Variants in ATRNL1 observed in about 807,000 individuals in gnomAD.
ATRNL1 encodes attractin-like protein 1.
A neutral mutation model predicts 182.7 loss-of-function variants in ATRNL1; 95 were observed. The ratio of observed to expected loss-of-function variants is 0.52; its 90% confidence interval spans 0.44 to 0.62. The LOEUF (loss-of-function observed/expected upper bound fraction) is 0.62, where lower values mean the gene tolerates loss of function less well. Ranked by LOEUF, ATRNL1 falls within the 20% of genes least tolerant of loss-of-function variation. The pLI is 0.00. For synonymous variants in ATRNL1, 576 were observed against 568.3 expected (o/e 1.01, Z -0.19); for missense variants, 1,471 against 1,679.5 (o/e 0.88, Z 2.17).
chr10:115,315,348 A>G (rs1483443019), intron 17 of ATRNL1, among the ~76,000 whole-genome samples, 170 bp from the exon 18 acceptor site: 1 of 151,860 alleles, frequency 6.6e-6, no homozygotes, highest in Non-Finnish European at 1.5e-5. Flanking sequence ...TGTATGTTTT[A>G]TTTGCTTTTA....
intron 26 of ATRNL1, among the ~76,000 whole-genome samples, chr10:115,586,665 T>G (rs1555010019): frequency 8.3e-6 from 1 of 119,794 alleles, no homozygotes; most frequent in African/African-American, 2.7e-5. Context: ...CTAAATTTTT[T>G]TCAGAGTTTT....
At chr10:115,636,253 A>G (rs1555028092) in intron 26 of ATRNL1, among the ~76,000 whole-genome samples, 1 of 151,922 alleles carries the variant, frequency 6.6e-6, no homozygotes, top group Admixed American at 6.6e-5. Flanking sequence ...TGGTTCCGAC[A>G]CTCTTCTCCC....
chr10:115,506,780 T>G (rs1170374287), intron 24 of ATRNL1, among the ~76,000 whole-genome samples: 1 of 152,060 alleles, frequency 6.6e-6, no homozygotes, highest in African/African-American at 2.4e-5. Context: ...CCATAATGTT[T>G]GCTTATGCTG....
intron 8 of ATRNL1, among the ~76,000 whole-genome samples, chr10:115,204,149 A>G (rs567613893): frequency 9.9e-5 from 15 of 151,968 alleles, no homozygotes; most frequent in Non-Finnish European, 1.8e-4. Context: ...GTTTATTCAT[A>G]TCCTGCAAGT....
At chr10:115,617,951 C>T (rs985231120) in intron 26 of ATRNL1, among the ~76,000 whole-genome samples, 1 of 152,076 alleles carries the variant, frequency 6.6e-6, no homozygotes, top group African/African-American at 2.4e-5. Context: ...TAGATTTCCT[C>T]GTTGCTCCCA....
chr10:115,741,633 G>A (rs1274459452), intron 27 of ATRNL1, among the ~76,000 whole-genome samples: 1 of 152,126 alleles, frequency 6.6e-6, no homozygotes, highest in Non-Finnish European at 1.5e-5. Flanking sequence ...GAATAATTGA[G>A]GTAGAGAAAC....
At chr10:115,341,530 C>G (rs1855751664) in intron 19 of ATRNL1, among the ~76,000 whole-genome samples, 1 of 152,068 alleles carries the variant, frequency 6.6e-6, no homozygotes, top group South Asian at 2.1e-4. Context: ...TCCATTTGGT[C>G]TATAGTGCAG....
At chr10:115,553,654 AAAT>A (rs1381167958) in intron 26 of ATRNL1, among the ~76,000 whole-genome samples, 3 of 151,368 alleles carry the variant, frequency 2.0e-5, no homozygotes, top group Non-Finnish European at 3.0e-5. Context: ...TTTGAGTTAA[AAAT>A]AATAAACCAA....
At chr10:115,682,138 A>G (rs1235345142) in intron 26 of ATRNL1, among the ~76,000 whole-genome samples, 1 of 152,174 alleles carries the variant, frequency 6.6e-6, no homozygotes, top group African/African-American at 2.4e-5. Context: ...TTAGCAGGAT[A>G]GATAAACTGA....
chr10:115,446,664 TTA>T (rs1847012625), intron 21 of ATRNL1, among the ~76,000 whole-genome samples: 2 of 152,172 alleles, frequency 1.3e-5, no homozygotes, highest in East Asian at 3.9e-4. Context: ...GTTTTTGTTT[TTA>T]TGATTTAAAA....
At position 115,462,047 on chromosome 10, in the gene ATRNL1, T is replaced by A; in HGVS notation, c.3417+12T>A. 6.4e-7 allele frequency: 1 copy of A among 1,571,138 alleles called. No individual in the cohort carries two copies. Among genetic ancestry groups the A allele is most frequent in the South Asian group, 1.2e-5 (1 of 86,532 alleles). ...CAAACCCAGAACAGGTGAGGAAAAA[T>A]TGTTATCTTTTAAAGTATAATTATT... On this transcript the variant is annotated intron_variant, in intron 22 of 28. Coordinates refer to ENST00000355044, the MANE Select transcript of ATRNL1 (RefSeq NM_207303.4).
chr10:115,222,441 C>G (rs1179790702), intron 9 of ATRNL1, among the ~76,000 whole-genome samples: 1 of 152,078 alleles, frequency 6.6e-6, no homozygotes, highest in Non-Finnish European at 1.5e-5. Context: ...ACAAAGACAT[C>G]AAGCCACAGA....
rs550961548 is a variant in ATRNL1, at chr10:115,343,434, C to T, written c.3175+9015C>T. 4.6e-5 allele frequency among the ~76,000 whole-genome samples: 7 copies of T among 152,142 alleles called. No homozygotes were observed. The East Asian group carries it at 5.8e-4, about 13-fold the overall frequency. ...AAAGACTAATGCATTCTTCCATATG[C>T]GAATTACATCTTTCATCTACAGAAT... On this transcript the variant is annotated intron_variant, in intron 19 of 28. Coordinates refer to ENST00000355044, the MANE Select transcript of ATRNL1 (RefSeq NM_207303.4).
intron 9 of ATRNL1, among the ~76,000 whole-genome samples, chr10:115,239,509 G>A (rs909461609): frequency 2.6e-5 from 4 of 152,126 alleles, no homozygotes; most frequent in Admixed American, 2.6e-4. Context: ...TGGGATTACA[G>A]GCATGAGCAC....
At chr10:115,767,050 A>G (rs2960692) in intron 27 of ATRNL1, among the ~76,000 whole-genome samples, 30,789 of 152,088 alleles carry the variant, frequency 0.2, 3,173 homozygotes, top group Non-Finnish European at 0.21. Context: ...AGGGTTTATG[A>G]TAATTATTAT....
At chr10:115,537,890 C>G (rs538010704) in intron 25 of ATRNL1, among the ~76,000 whole-genome samples, 1 of 152,128 alleles carries the variant, frequency 6.6e-6, no homozygotes, top group Non-Finnish European at 1.5e-5. Context: ...GTCAGACTTT[C>G]TCCCCACCCC....
intron 26 of ATRNL1, among the ~76,000 whole-genome samples, chr10:115,552,938 C>T (rs567698508): frequency 9.3e-5 from 14 of 151,320 alleles, no homozygotes; most frequent in Admixed American, 2.0e-4. Context: ...CTTTTTACAG[C>T]GGTATTAAAA....
At chr10:115,677,623 C>A (rs1211039481) in intron 26 of ATRNL1, among the ~76,000 whole-genome samples, 1 of 152,046 alleles carries the variant, frequency 6.6e-6, no homozygotes, top group Non-Finnish European at 1.5e-5. Flanking sequence ...GTAAGAAGTG[C>A]CTTTTGCCTC....
At chr10:115,633,991 AC>A (rs544205319) in intron 26 of ATRNL1, among the ~76,000 whole-genome samples, 53 of 152,198 alleles carry the variant, frequency 3.5e-4, no homozygotes, top group African/African-American at 1.3e-3. Flanking sequence ...CAGTACTATC[AC>A]AGGGAAAAGA....
Sources: allele counts gnomAD v4.1 joint callset (sites outside exome capture counted in the v4.1 genomes callset), GRCh38; gene constraint gnomAD v4.1.1; transcripts MANE v1.5; gene names NCBI Gene and HGNC (gene_info 2026-07-23, HGNC 2026-07-21).